HDGFL3: variants seen among roughly 807,000 people sequenced by gnomAD.
HDGFL3 encodes the protein HDGF like 3, also known as hepatoma-derived growth factor-related protein 3.
Under a neutral mutation model 27.6 loss-of-function variants are expected in HDGFL3, and 6 were observed. The ratio of observed to expected loss-of-function variants is 0.22; its 90% confidence interval spans 0.12 to 0.43. The LOEUF is 0.43. HDGFL3 is among the 20% of genes least tolerant of loss of function. The pLI is 1.00. For synonymous variants in HDGFL3, 88 were observed against 88.9 expected, an observed-to-expected ratio of 0.99 and a Z score of 0.05; for missense variants, 207 against 250.1, an observed-to-expected ratio of 0.83 and a Z score of 1.16.
Position 83,157,411 on chromosome 15 carries a change from T to G in HDGFL3, c.459+4A>C, listed in dbSNP as rs1266733749. 1.2e-6 allele frequency: 2 copies of G among 1,611,690 alleles called. No homozygotes were observed. The highest frequency in any genetic ancestry group is 1.7e-6 in the Non-Finnish European group (2 of 1,178,170). ...TTAATAACAATGAGAAGTTTCTTAG[T>G]AACCTTTGAAGTATATGACTTTTTC... On this transcript the variant is annotated splice_donor_region_variant and intron_variant, in intron 4 of 5. Transcript: ENST00000299633.
At chr15:83,159,435 C>T (rs1345307869) in intron 2 of HDGFL3, among the ~76,000 whole-genome samples, 1 of 152,158 alleles carries the variant, frequency 6.6e-6, no homozygotes, top group Non-Finnish European at 1.5e-5. Context: ...ATGTGCCAGG[C>T]ACTATTCCAG....
intron 5 of HDGFL3, among the ~76,000 whole-genome samples, chr15:83,145,616 T>C (rs1334352960): frequency 2.6e-5 from 4 of 152,142 alleles, no homozygotes; most frequent in Non-Finnish European, 4.4e-5. Flanking sequence ...CTCCCAGTTT[T>C]GAATCTCAGT....
intron 2 of HDGFL3, among the ~76,000 whole-genome samples, chr15:83,160,869 G>C (rs1475853431): frequency 6.6e-6 from 1 of 152,142 alleles, no homozygotes; most frequent in African/African-American, 2.4e-5. Flanking sequence ...TCTGACCCCA[G>C]AGCGGTTTAA....
intron 1 of HDGFL3, among the ~76,000 whole-genome samples, chr15:83,176,348 C>T (rs2037310339): frequency 1.3e-5 from 2 of 152,150 alleles, no homozygotes; most frequent in South Asian, 4.1e-4. Context: ...AGAAATCTAA[C>T]ATAAAATGAA....
intron 4 of HDGFL3, among the ~76,000 whole-genome samples, chr15:83,151,592 AC>A (rs1440252507): frequency 6.6e-6 from 1 of 152,184 alleles, no homozygotes; most frequent in Non-Finnish European, 1.5e-5. Flanking sequence ...GGGCTAGGTG[AC>A]CTCTTAGTTA....
chr15:83,169,189 C>A (rs1364182968), intron 1 of HDGFL3: 1 of 439,536 alleles, frequency 2.3e-6, no homozygotes, highest in African/African-American at 2.0e-5. Context: ...GAAGCATGCC[C>A]CTCGAGAATT....
intron 5 of HDGFL3, among the ~76,000 whole-genome samples, chr15:83,141,082 T>TA (rs2036760264): frequency 6.6e-6 from 1 of 152,186 alleles, no homozygotes; most frequent in Non-Finnish European, 1.5e-5. Context: ...TCTCATACCA[T>TA]AATCACTTTG....
chr15:83,122,820 T>G (rs751154768), downstream of HDGFL3: 3 of 1,614,008 alleles, frequency 1.9e-6, no homozygotes, highest in Non-Finnish European at 2.5e-6. Context: ...TGTCTTCCTG[T>G]CTGGGCTGGT....
chr15:83,139,441 C>CT (rs778141264), intron 5 of HDGFL3, among the ~76,000 whole-genome samples, 166 bp from the exon 6 acceptor site: 6 of 152,144 alleles, frequency 3.9e-5, no homozygotes, highest in Non-Finnish European at 5.9e-5. Flanking sequence ...TGTGGCTTTG[C>CT]TTTAGACCTG....
intron 4 of HDGFL3, among the ~76,000 whole-genome samples, chr15:83,156,101 T>C (rs553786138): frequency 4.1e-4 from 63 of 152,274 alleles, no homozygotes; most frequent in African/African-American, 1.5e-3. Flanking sequence ...TTTGCCAGCC[T>C]TTCCCCCTTG....
rs76766078 is a variant in HDGFL3 at position 83,195,828 on chromosome 15, T to C, written c.84+11503A>G. Reference sequence around the variant, plus strand: ...TTAAAAAAATTAAGTTACATATACTTATATCTTAAAACAAAACAGAAAAGT... The same window carrying C: ...TTAAAAAAATTAAGTTACATATACTCATATCTTAAAACAAAACAGAAAAGT... On this transcript the variant is annotated intron_variant, in intron 1 of 5. Coordinates refer to ENST00000299633, the MANE Select transcript of HDGFL3 (RefSeq NM_016073.4). 2.2e-4 allele frequency among the ~76,000 whole-genome samples: 34 copies of C among 152,206 alleles called. No homozygotes were observed. In the East Asian group the frequency reaches 3.9e-3, roughly 17 times the overall value.
rs116678299 is a variant in HDGFL3 at position 83,146,217 on chromosome 15, G to T, written c.606+4998C>A. Among the ~76,000 whole-genome samples the T allele has an allele frequency of 3.1e-3, 468 of 152,130 alleles. 3 individuals are homozygous for T. The highest frequency in any genetic ancestry group is 0.011 in the African/African-American group (453 of 41,510). On this transcript the variant is annotated intron_variant, in intron 5 of 5. Transcript: ENST00000299633. ...AACAAGTGATTCACAACCACTGGGAGTAACTGTAAATACTGTCTTAAGCCA... is the reference window on the plus strand; with the variant it reads ...AACAAGTGATTCACAACCACTGGGATTAACTGTAAATACTGTCTTAAGCCA...
intron 1 of HDGFL3, among the ~76,000 whole-genome samples, chr15:83,169,414 C>CA (rs58159581): frequency 0.067 from 2,380 of 35,592 alleles, 456 homozygotes; most frequent in Non-Finnish European, 0.094. Flanking sequence ...GACTCCGTCT[C>CA]AAAAAAAAAA....
intron 1 of HDGFL3, among the ~76,000 whole-genome samples, chr15:83,187,924 AAC>A (rs2037465818): frequency 6.6e-6 from 1 of 152,006 alleles, no homozygotes; most frequent in Non-Finnish European, 1.5e-5. Flanking sequence ...GGTTGCAGTA[AAC>A]ACACATTTTT....
At chr15:83,163,075 T>C (rs1185151168) in intron 2 of HDGFL3, among the ~76,000 whole-genome samples, 1 of 152,202 alleles carries the variant, frequency 6.6e-6, no homozygotes, top group Non-Finnish European at 1.5e-5. Context: ...CACCAAGTTC[T>C]TGTCACTGGA....
intron 2 of HDGFL3, among the ~76,000 whole-genome samples, chr15:83,158,474 T>C (rs552527924): frequency 1.4e-4 from 22 of 152,344 alleles, no homozygotes; most frequent in African/African-American, 4.8e-4. Flanking sequence ...ACTCTCTATA[T>C]AGTAATTCCC....
chr15:83,164,592 C>T (rs988691115), intron 1 of HDGFL3, among the ~76,000 whole-genome samples: 4 of 152,272 alleles, frequency 2.6e-5, no homozygotes, highest in Non-Finnish European at 5.9e-5. Flanking sequence ...TGAAAATGCA[C>T]ATCTGATTAT....
intron 5 of HDGFL3, among the ~76,000 whole-genome samples, chr15:83,147,156 G>A (rs148681831): frequency 1.3e-3 from 196 of 151,896 alleles, no homozygotes; most frequent in African/African-American, 4.1e-3. Context: ...TCCACCTCCC[G>A]GGTTCAAGTG....
At chr15:83,198,054 C>CAAAAAAAAA (rs766372255) in intron 1 of HDGFL3, among the ~76,000 whole-genome samples, 705 of 57,538 alleles carry the variant, frequency 0.012, 122 homozygotes, top group African/African-American at 0.049. Context: ...GACTCCGTCT[C>CAAAAAAAAA]AAAAAAAAAA....
Sources: gnomAD v4.1 joint callset for allele counts (sites outside exome capture counted in the v4.1 genomes callset) on GRCh38, gnomAD v4.1.1 for gene constraint, MANE v1.5 for transcripts, NCBI Gene and HGNC (gene_info 2026-07-23, HGNC 2026-07-21) for gene names.